Variants in LYN observed in about 807,000 individuals in gnomAD.
LYN encodes LYN proto-oncogene, Src family tyrosine kinase, also known as tyrosine-protein kinase Lyn.
LYN carries 12 observed loss-of-function variants against 65.0 expected under a neutral mutation model. The ratio of observed to expected loss-of-function variants is 0.18; its 90% CI spans 0.12 to 0.30. The LOEUF is 0.30. Among genes scored for constraint, LYN ranks in the 10% least tolerant of loss-of-function variants. The pLI is 1.00. For missense variants in LYN, 380 were observed against 623.2 expected (o/e 0.61, Z 4.16); for synonymous variants, 222 against 221.2 (o/e 1.00, Z -0.03).
At chr8:55,982,465 T>C (rs1020880286) in intron 10 of LYN, among the ~76,000 whole-genome samples, 1 of 152,184 alleles carries the variant, frequency 6.6e-6, no homozygotes, top group Non-Finnish European at 1.5e-5. Flanking sequence ...TGTGCTGAGG[T>C]ATTTTTGATG....
At chr8:55,978,230 T>C (rs1251027223) in intron 10 of LYN, among the ~76,000 whole-genome samples, 2 of 152,206 alleles carry the variant, frequency 1.3e-5, no homozygotes, top group Admixed American at 6.5e-5. Context: ...GGATGAGACC[T>C]GTGCTTTAAA....
At chr8:55,889,256 G>A (rs1176126206) in intron 1 of LYN, among the ~76,000 whole-genome samples, 1 of 152,194 alleles carries the variant, frequency 6.6e-6, no homozygotes, top group East Asian at 1.9e-4. Flanking sequence ...TGTAACCCCA[G>A]GCAGGAGTAC....
intron 10 of LYN, among the ~76,000 whole-genome samples, chr8:55,990,435 T>C (rs1585672061): frequency 1.3e-5 from 2 of 152,062 alleles, no homozygotes; most frequent in African/African-American, 4.8e-5. Flanking sequence ...TTATGGGACC[T>C]TAAAAGGTGT....
At chr8:55,998,262 T>G (rs1808431188) in intron 10 of LYN, 84 bp from the exon 11 acceptor site, 1 of 1,033,576 alleles carries the variant, frequency 9.7e-7, no homozygotes, top group Non-Finnish European at 1.5e-6. Context: ...ATTTCAGGAA[T>G]TCATAAGTTT....
intron 8 of LYN, among the ~76,000 whole-genome samples, chr8:55,959,642 C>A (rs1319032298): frequency 6.6e-6 from 1 of 151,944 alleles, no homozygotes; most frequent in Non-Finnish European, 1.5e-5. Flanking sequence ...GATTTACATG[C>A]CATTGTGAGA....
intron 1 of LYN, 25 bp from the exon 2 acceptor site, chr8:55,941,830 T>A: frequency 6.2e-7 from 1 of 1,603,028 alleles, no homozygotes; most frequent in Non-Finnish European, 8.5e-7. Context: ...GGTAAAACAA[T>A]GTCATTACTT....
intron 1 of LYN, among the ~76,000 whole-genome samples, chr8:55,906,688 C>A (rs998841622): frequency 6.8e-6 from 1 of 146,440 alleles, no homozygotes; most frequent in African/African-American, 2.6e-5. Context: ...GCTTGGGCAA[C>A]GTAGCAAGAC....
intron 10 of LYN, among the ~76,000 whole-genome samples, chr8:55,970,198 G>C (rs531578937): frequency 6.6e-6 from 1 of 152,300 alleles, no homozygotes; most frequent in South Asian, 2.1e-4. Context: ...TAAGTCCTCT[G>C]TATTCTTGAA....
At chr8:55,967,041 C>T in intron 9 of LYN, 144 bp downstream of exon 9, 2 of 714,210 alleles carry the variant, frequency 2.8e-6, no homozygotes, top group Non-Finnish European at 4.5e-6. Context: ...GAAGACAAAG[C>T]AGTTTATAAA....
intron 1 of LYN, among the ~76,000 whole-genome samples, chr8:55,936,109 A>G (rs893712879): frequency 6.6e-6 from 1 of 152,196 alleles, no homozygotes; most frequent in Non-Finnish European, 1.5e-5. Flanking sequence ...TGATACTGGA[A>G]TGCAAGTGTG....
intron 1 of LYN, among the ~76,000 whole-genome samples, chr8:55,924,944 C>A (rs961956173): frequency 6.6e-6 from 1 of 151,174 alleles, no homozygotes; most frequent in African/African-American, 2.4e-5. Context: ...CAGGTTCAAG[C>A]GATTTTCCTG....
At chr8:55,976,073 C>G (rs958383272) in intron 10 of LYN, among the ~76,000 whole-genome samples, 2 of 152,022 alleles carry the variant, frequency 1.3e-5, no homozygotes, top group Admixed American at 6.5e-5. Flanking sequence ...GGGTACTCAT[C>G]ATGGAAGCTT....
chr8:55,957,282 TG>T (rs1405431332), intron 8 of LYN, among the ~76,000 whole-genome samples: 1 of 152,252 alleles, frequency 6.6e-6, no homozygotes, highest in Non-Finnish European at 1.5e-5. Flanking sequence ...GTCACTTTTT[TG>T]TTTTTTATTC....
intron 1 of LYN, among the ~76,000 whole-genome samples, chr8:55,900,040 C>G (rs973472640): frequency 6.6e-6 from 1 of 152,146 alleles, no homozygotes; most frequent in African/African-American, 2.4e-5. Flanking sequence ...ATGTTTAGCT[C>G]AAGCTTAACT....
intron 1 of LYN, among the ~76,000 whole-genome samples, chr8:55,937,569 A>G (rs1210727521): frequency 1.3e-5 from 2 of 152,222 alleles, no homozygotes; most frequent in East Asian, 3.8e-4. Flanking sequence ...TTTAAAGAAC[A>G]AATTTCAAGA....
intron 1 of LYN, among the ~76,000 whole-genome samples, chr8:55,881,255 C>T (rs1804646022): frequency 6.6e-6 from 1 of 152,156 alleles, no homozygotes; most frequent in Non-Finnish European, 1.5e-5. Flanking sequence ...AGCCATCTGA[C>T]CTTATTAGTA....
Position 55,998,429 on chromosome 8 carries a change from A to T in LYN, c.1134A>T (p.Ser378=). ...LRAANVLVSE[S]LMCKIADFGL... is the part of the protein sequence containing the mutation. ...CAGCTAATGTTCTGGTCTCCGAGTC[A>T]CTCATGTGCAAAATTGCAGATTTTG... Residue 378 remains serine (S), a synonymous_variant, in exon 11 of 13, where the codon TCA becomes TCT. Transcript: ENST00000519728. 6.2e-7 allele frequency: 1 copy of T among 1,614,044 alleles called. No individual in the cohort carries two copies. The highest frequency in any genetic ancestry group is 1.1e-5 in the South Asian group (1 of 91,088).
At chr8:55,941,055 A>G (rs1806595074) in intron 1 of LYN, among the ~76,000 whole-genome samples, 1 of 152,074 alleles carries the variant, frequency 6.6e-6, no homozygotes, top group South Asian at 2.1e-4. Context: ...TGTTTCCTCA[A>G]TTCATTTCCA....
chr8:56,006,705 A>C (rs1422559964), intron 12 of LYN, among the ~76,000 whole-genome samples: 1 of 152,172 alleles, frequency 6.6e-6, no homozygotes, highest in Non-Finnish European at 1.5e-5. Context: ...ACCCATAGTG[A>C]GCACTCAGTG....
Sources: allele counts gnomAD v4.1 joint callset (sites outside exome capture counted in the v4.1 genomes callset), GRCh38; gene constraint gnomAD v4.1.1; transcripts MANE v1.5; gene names NCBI Gene and HGNC (gene_info 2026-07-23, HGNC 2026-07-21).